PLEKHA5: variants seen among roughly 807,000 people sequenced by gnomAD.
PLEKHA5 encodes the protein pleckstrin homology domain containing A5.
Under a neutral mutation model 181.9 loss-of-function variants are expected in PLEKHA5, and 55 were observed. The observed-to-expected ratio is 0.30, with a 90% CI of 0.24 to 0.38. PLEKHA5 has a LOEUF of 0.38. Among genes scored for constraint, PLEKHA5 ranks in the 10% least tolerant of loss-of-function variants. The pLI, the probability that PLEKHA5 is intolerant of heterozygous loss-of-function variation, is 1.00. For synonymous variants in PLEKHA5, 535 were observed against 529.4 expected (o/e 1.01, Z -0.15); for missense variants, 1,432 against 1,549.5 (o/e 0.92, Z 1.27).
intron 3 of PLEKHA5, among the ~76,000 whole-genome samples, chr12:19,165,631 A>G (rs2044174115): frequency 6.6e-6 from 1 of 152,136 alleles, no homozygotes; most frequent in South Asian, 2.1e-4. Context: ...GAAGAGTTAA[A>G]CTAGAAACCT....
intron 1 of PLEKHA5, 66 bp from the exon 2 acceptor site, chr12:19,129,985 A>AG (rs1221090222): frequency 8.2e-6 from 12 of 1,455,868 alleles, no homozygotes; most frequent in Non-Finnish European, 1.1e-5. Context: ...GTGCTCCTGC[A>AG]GCCCCTCGGC....
intron 3 of PLEKHA5, chr12:19,202,078 T>G: frequency 1.4e-6 from 1 of 721,022 alleles, no homozygotes; most frequent in Non-Finnish European, 1.7e-6. Flanking sequence ...TTCCCCTACC[T>G]TTTTCCATAT....
intron 2 of PLEKHA5, among the ~76,000 whole-genome samples, chr12:19,131,204 C>T (rs140700541): frequency 6.6e-6 from 1 of 152,300 alleles, no homozygotes; most frequent in African/African-American, 2.4e-5. Context: ...TCAGAGCTGG[C>T]CTCTGGGGTA....
At chr12:19,161,394 G>A (rs56348742) in intron 3 of PLEKHA5, among the ~76,000 whole-genome samples, 13,624 of 152,098 alleles carry the variant, frequency 0.09, 754 homozygotes, top group Admixed American at 0.18. Flanking sequence ...GAGAAAATAC[G>A]TTCTCCAAAA....
chr12:19,283,345 A>G lies in PLEKHA5; in HGVS notation c.1379A>G (p.Tyr460Cys), dbSNP rs142101396. 6.2e-7 allele frequency: 1 copy of G among 1,613,840 alleles called. No homozygotes were observed. The highest frequency in any genetic ancestry group is 1.3e-5 in the African/African-American group (1 of 74,806). Reference sequence around the variant, plus strand: ...CACAGAGCCCAGATTATGGCCCGCTACCCTGAAGGTTATAGAACACTCCCA... The same window carrying G: ...CACAGAGCCCAGATTATGGCCCGCTGCCCTGAAGGTTATAGAACACTCCCA... ...PSHRAQIMAR[Y>C]PEGYRTLPRN... Residue 460 changes from tyrosine (Y) to cysteine (C), a missense_variant, in exon 12 of 32, where the codon TAC becomes TGC. Transcript: ENST00000429027.
chr12:19,241,034 C>T (rs991803945), intron 3 of PLEKHA5, among the ~76,000 whole-genome samples: 4 of 152,136 alleles, frequency 2.6e-5, no homozygotes, highest in Non-Finnish European at 4.4e-5. Flanking sequence ...ATCACATTAT[C>T]AGTGTTCCTT....
chr12:19,331,729 A>T (rs946455393), intron 20 of PLEKHA5, among the ~76,000 whole-genome samples: 23 of 152,156 alleles, frequency 1.5e-4, no homozygotes, highest in African/African-American at 4.1e-4. Context: ...CAATTTTTTT[A>T]AAAAAAATCT....
At chr12:19,200,151 A>C (rs888642033) in intron 3 of PLEKHA5, among the ~76,000 whole-genome samples, 2 of 152,076 alleles carry the variant, frequency 1.3e-5, no homozygotes, top group East Asian at 3.9e-4. Flanking sequence ...CCAACACAGA[A>C]AAATGATTAG....
intron 15 of PLEKHA5, among the ~76,000 whole-genome samples, chr12:19,298,236 CTG>C (rs985576255): frequency 1.3e-5 from 2 of 151,858 alleles, no homozygotes; most frequent in Admixed American, 6.6e-5. Context: ...AGAGATAAAA[CTG>C]AGAAAATCCT....
intron 12 of PLEKHA5, among the ~76,000 whole-genome samples, chr12:19,284,182 C>T (rs1397190234): frequency 2.6e-5 from 4 of 152,250 alleles, no homozygotes; most frequent in Admixed American, 1.3e-4. Flanking sequence ...GATTCTCCTT[C>T]CTCAGCCTCC....
chr12:19,144,688 T>C (rs2038419741), intron 3 of PLEKHA5, among the ~76,000 whole-genome samples: 1 of 152,176 alleles, frequency 6.6e-6, no homozygotes, highest in Non-Finnish European at 1.5e-5. Context: ...TCAAAAGAAT[T>C]TGGAGACCAA....
At chr12:19,240,865 C>T (rs183608356) in intron 3 of PLEKHA5, among the ~76,000 whole-genome samples, 109 of 152,170 alleles carry the variant, frequency 7.2e-4, no homozygotes, top group African/African-American at 2.5e-3. Context: ...GTCAGTAAGA[C>T]TCTTGTGACA....
intron 3 of PLEKHA5, among the ~76,000 whole-genome samples, chr12:19,204,978 A>G (rs1203414564): frequency 6.6e-6 from 1 of 152,144 alleles, no homozygotes; most frequent in African/African-American, 2.4e-5. Flanking sequence ...GCAACTTCCA[A>G]TTCATTCTAG....
At chr12:19,275,518 C>G (rs1162928475) in intron 11 of PLEKHA5, among the ~76,000 whole-genome samples, 1 of 152,192 alleles carries the variant, frequency 6.6e-6, no homozygotes, top group African/African-American at 2.4e-5. Flanking sequence ...AATCCCAGCA[C>G]TTTGGGAGGC....
At chr12:19,176,740 T>G (rs1238065489) in intron 3 of PLEKHA5, among the ~76,000 whole-genome samples, 1 of 152,194 alleles carries the variant, frequency 6.6e-6, no homozygotes, top group African/African-American at 2.4e-5. Flanking sequence ...GCATTTTTTT[T>G]AACTTTCTGT....
chr12:19,363,380 G>A (rs1032149018), intron 29 of PLEKHA5, among the ~76,000 whole-genome samples: 1 of 151,700 alleles, frequency 6.6e-6, no homozygotes, highest in Admixed American at 6.6e-5. Flanking sequence ...GTGTTAGCCA[G>A]GATGGTCTCG....
chr12:19,256,857 T>C (rs1002434708), intron 5 of PLEKHA5, among the ~76,000 whole-genome samples: 1 of 152,182 alleles, frequency 6.6e-6, no homozygotes, highest in African/African-American at 2.4e-5. Context: ...TTTTGAAGAA[T>C]CCAGTAAACC....
At position 19,182,063 on chromosome 12, in the gene PLEKHA5, G is replaced by A. The variant is rs188559405; in HGVS notation, c.227+49613G>A. Among the ~76,000 whole-genome samples the A allele has an allele frequency of 5.4e-4, 82 of 152,148 alleles. 1 individual carries two copies. Among genetic ancestry groups the A allele is most frequent in the Non-Finnish European group, 9.9e-4 (67 of 67,978 alleles). On this transcript the variant is annotated intron_variant, in intron 3 of 31. Transcript: ENST00000429027. ...GTTATTTTTAGCAGCAAACAGTTAT[G>A]TTTTTTAAAGGCAGCAAAAATTTAT...
At chr12:19,228,437 T>A (rs919879629) in intron 3 of PLEKHA5, among the ~76,000 whole-genome samples, 14 of 152,148 alleles carry the variant, frequency 9.2e-5, no homozygotes, top group Admixed American at 6.5e-4. Flanking sequence ...TATTTTTCTC[T>A]GTTTTTTTCT....
Sources: allele counts gnomAD v4.1 joint callset (sites outside exome capture counted in the v4.1 genomes callset), GRCh38; gene constraint gnomAD v4.1.1; transcripts MANE v1.5; gene names NCBI Gene and HGNC (gene_info 2026-07-23, HGNC 2026-07-21).